The following ADAR variants were observed in gnomAD, a reference collection of about 807,000 sequenced individuals.
The protein encoded by ADAR is adenosine deaminase RNA specific, also known as double-stranded RNA-specific adenosine deaminase.
In ADAR, 41 loss-of-function variants were observed where a neutral mutation model predicts 113.2. That is an observed-to-expected ratio of 0.36 (90% CI 0.28 to 0.47). The LOEUF (loss-of-function observed/expected upper bound fraction) is 0.47. Ranked by LOEUF, ADAR falls within the 20% of genes least tolerant of loss-of-function variation. The pLI is 1.00. For missense variants in ADAR, 1,242 were observed against 1,540.9 expected (o/e 0.81, Z 3.25); for synonymous variants, 605 against 572.6 (o/e 1.06, Z -0.81).
At position 154,588,624 on chromosome 1, in the gene ADAR, T is replaced by C. The variant is rs1448735124; in HGVS notation, c.2812A>G (p.Ser938Gly). ...CCTCCCTTAGCAGGTTCAAATATAC[T>C]ATCCTTCGCAGTCTGGGAGTTGTAT... ...MKYNSQTAKD[S>G]IFEPAKGGEK... is the part of the protein sequence containing the mutation. Residue 938 changes from serine (S) to glycine (G), a missense_variant, in exon 10 of 15, where the codon AGT becomes GGT. By Grantham distance (56) the Ser-to-Gly change is moderately conservative (BLOSUM62 0). This residue lies in a region of ADAR where 780 missense variants were observed against 1,057.9 expected (regional missense o/e 0.74). Transcript: ENST00000368474. 5.0e-6 allele frequency: 8 copies of C among 1,614,038 alleles called. No individual in the cohort carries two copies. Among genetic ancestry groups the C allele is most frequent in the Non-Finnish European group, 6.8e-6 (8 of 1,179,970 alleles).
chr1:154,588,340 GAAGC>G lies in ADAR; in HGVS notation c.2886-86_2886-83del, dbSNP rs796194531. On this transcript the variant is annotated intron_variant, in intron 10 of 14. Coordinates refer to ENST00000368474, the MANE Select transcript of ADAR (RefSeq NM_001111.5). ...GGCTCCAAAACAGTCAGATGTGACAGAAGCAAGGGATGTTTTCTAAGGCCTACCA... is the reference window on the plus strand; with the variant it reads ...GGCTCCAAAACAGTCAGATGTGACAGAAGGGATGTTTTCTAAGGCCTACCA... 1.0e-5 allele frequency: 16 copies of G among 1,601,046 alleles called. No individual in the cohort carries two copies. The South Asian group carries it at 1.4e-4, about 14-fold the overall frequency.
rs1456230179 is a variant in ADAR, at chr1:154,625,484, T to G, written c.-871+2371A>C. Among the ~76,000 whole-genome samples, 3 of 152,256 alleles carry G rather than the reference T, an allele frequency of 2.0e-5. No individual in the cohort carries two copies. In the East Asian group the frequency reaches 5.8e-4, roughly 29 times the overall value. ...TCTATAAAATGGGGATAATATTTAGTGCACTCAGTTGTTAGAGGGATGAAA... is the reference window on the plus strand; with the variant it reads ...TCTATAAAATGGGGATAATATTTAGGGCACTCAGTTGTTAGAGGGATGAAA... On this transcript the variant is annotated intron_variant, in intron 1 of 14. Coordinates refer to the ADAR transcript ENST00000368471.
rs1297018808 is a variant in ADAR at position 154,613,490 on chromosome 1, G to C, written c.-870-10864C>G. On this transcript the variant is annotated intron_variant, in intron 1 of 14. Transcript: ENST00000368471. Reference sequence around the variant, plus strand: ...AGTAGAGGTGGGGTCTCACCATGTTGGCCAGGCTGGTCGCAAACTCCTGAT... The same window carrying C: ...AGTAGAGGTGGGGTCTCACCATGTTCGCCAGGCTGGTCGCAAACTCCTGAT... Among the ~76,000 whole-genome samples, 5 of 151,302 alleles carry C rather than the reference G, an allele frequency of 3.3e-5. No homozygotes were observed. In the East Asian group the frequency reaches 1.0e-3, roughly 30 times the overall value.
Position 154,589,943 on chromosome 1 carries a change from G to C in ADAR, c.2497-15C>G. On this transcript the variant is annotated splice_polypyrimidine_tract_variant and intron_variant, in intron 7 of 14. Transcript: ENST00000368474. ...GTGAGAGGGAGCTGTGGGGAAAAGA[G>C]GCTGTGTCAGCACCACAAAGCTGAG... 2 of 1,613,686 alleles carry C rather than the reference G, an allele frequency of 1.2e-6. No homozygotes were observed. Among genetic ancestry groups the C allele is most frequent in the South Asian group, 1.1e-5 (1 of 91,046 alleles).
Position 154,605,130 on chromosome 1 carries a change from T to C in ADAR, c.16-2504A>G, listed in dbSNP as rs1698108489. On this transcript the variant is annotated intron_variant, in intron 1 of 14. Coordinates refer to ENST00000368474, the MANE Select transcript of ADAR (RefSeq NM_001111.5). Reference sequence around the variant, plus strand: ...CAGGTAGTTGCCAAGTCCCACCTTGTCTGCCACCTCTGTACTGTGTCTTAA... The same window carrying C: ...CAGGTAGTTGCCAAGTCCCACCTTGCCTGCCACCTCTGTACTGTGTCTTAA... Among the ~76,000 whole-genome samples the C allele has an allele frequency of 2.0e-5, 3 of 152,220 alleles. No individual in the cohort carries two copies. In the South Asian group the frequency reaches 6.2e-4, roughly 31 times the overall value.
chr1:154,584,517 C>T lies in ADAR; in HGVS notation c.*289G>A, dbSNP rs914789866. 7 of 397,434 alleles carry T rather than the reference C, an allele frequency of 1.8e-5. No homozygotes were observed. The highest frequency in any genetic ancestry group is 3.7e-5 in the South Asian group (1 of 27,352). The allele number at this position is 397,434 out of a possible 1,614,324, so 24.6% of individuals were successfully genotyped here. On this transcript the variant is annotated 3_prime_UTR_variant, in exon 15 of 15. Coordinates refer to ENST00000368474, the MANE Select transcript of ADAR (RefSeq NM_001111.5). ...ACAAAACTTTTAAGAGGAAATGGAC[C>T]GCAGGTGCTCAGTGACTATGTATGC...
chr1:154,605,926 C>T (rs1698164767), intron 1 of ADAR: 2 of 915,608 alleles, frequency 2.2e-6, no homozygotes, highest in Non-Finnish European at 2.6e-6. Context: ...ACTCTTGGCC[C>T]AAATCTGGAA....
chr1:154,597,954 G>T lies in ADAR; in HGVS notation c.1808C>A (p.Thr603Asn), dbSNP rs749361641. 1 of 1,614,106 alleles carries T rather than the reference G, an allele frequency of 6.2e-7. No individual in the cohort carries two copies. The highest frequency in any genetic ancestry group is 1.1e-5 in the South Asian group (1 of 91,072). ...AGAAAAGAAGGATGTGGCTGAAGGG[G>T]TGGGGGTCTGGGACTCTGCAGTCTA... ...SEKTAESQTP[T>N]PSATSFFSGK... Residue 603 changes from threonine to asparagine, a missense_variant, in exon 4 of 15, where the codon ACC (threonine) becomes AAC (asparagine). Thr to Asn is a moderately conservative substitution (Grantham distance 65). This residue lies in a region of ADAR where 780 missense variants were observed against 1,057.9 expected (regional missense o/e 0.74). Transcript: ENST00000368474.
chr1:154,591,609 T>C (rs953015693), intron 6 of ADAR, among the ~76,000 whole-genome samples: 2 of 152,198 alleles, frequency 1.3e-5, no homozygotes. Flanking sequence ...GCAAAACAGC[T>C]TGGAAATGTA....
intron 1 of ADAR, among the ~76,000 whole-genome samples, chr1:154,603,351 G>A (rs1233374402): frequency 2.6e-5 from 4 of 152,122 alleles, no homozygotes; most frequent in Non-Finnish European, 5.9e-5. Flanking sequence ...GGAGCTGGAG[G>A]GTTTCCTGAT....
chr1:154,619,342 G>T (rs188263118), intron 1 of ADAR, among the ~76,000 whole-genome samples: 1 of 152,194 alleles, frequency 6.6e-6, no homozygotes, highest in Non-Finnish European at 1.5e-5. Flanking sequence ...GTCTGGGGCT[G>T]TCTGAGAAAA....
At chr1:154,589,214 G>A (rs1696961064) in intron 9 of ADAR, among the ~76,000 whole-genome samples, 155 bp downstream of exon 9, 1 of 152,240 alleles carries the variant, frequency 6.6e-6, no homozygotes, top group African/African-American at 2.4e-5. Flanking sequence ...CCATCAGACA[G>A]GTTCAAATGG....
intron 2 of ADAR, 96 bp downstream of exon 2, chr1:154,600,945 C>A (rs954134696): frequency 1.9e-6 from 3 of 1,538,946 alleles, no homozygotes; most frequent in Admixed American, 1.7e-5. Flanking sequence ...AAGATAGGCG[C>A]CACCAAACAG....
At chr1:154,593,798 G>A (rs1208747010) in intron 6 of ADAR, among the ~76,000 whole-genome samples, 1 of 152,088 alleles carries the variant, frequency 6.6e-6, no homozygotes, top group Non-Finnish European at 1.5e-5. Flanking sequence ...AAAGAAAACT[G>A]GAAAAGGACA....
intron 1 of ADAR, among the ~76,000 whole-genome samples, chr1:154,605,434 G>T (rs1698131517): frequency 1.9e-5 from 1 of 52,918 alleles, no homozygotes; most frequent in South Asian, 1.1e-3. Flanking sequence ...CAGAGCTACT[G>T]GATTTTTTTT....
In ADAR at chr1:154,590,214, G is replaced by C; in HGVS notation, c.2466C>G (p.Leu822=). The C allele has an allele frequency of 6.2e-7, 1 of 1,612,766 alleles. No individual in the cohort carries two copies. Reference sequence around the variant, plus strand: ...TTGGCTGTGCTTCTGGGGACCTTGAGAGGAGGAGCATAGTTCTTCTGAGAC... The same window carrying C: ...TTGGCTGTGCTTCTGGGGACCTTGACAGGAGGAGCATAGTTCTTCTGAGAC... The part of the protein sequence containing the change: ...GASLRRTMLL[L]SRSPEAQPKT... Residue 822 remains leucine (L), a synonymous_variant, in exon 7 of 15, where the codon CTC becomes CTG. Coordinates refer to ENST00000368474, the MANE Select transcript of ADAR (RefSeq NM_001111.5).
intron 1 of ADAR, among the ~76,000 whole-genome samples, chr1:154,616,160 A>T (rs969441682): frequency 1.3e-5 from 2 of 152,228 alleles, no homozygotes; most frequent in Non-Finnish European, 2.9e-5. Flanking sequence ...GGAAGGTGTT[A>T]GGTTCACGTG....
At chr1:154,594,256 C>T (rs1697352959) in intron 6 of ADAR, among the ~76,000 whole-genome samples, 1 of 152,154 alleles carries the variant, frequency 6.6e-6, no homozygotes, top group Non-Finnish European at 1.5e-5. Context: ...TCCTTAATGA[C>T]TTTAAAATGG....
upstream of ADAR, among the ~76,000 whole-genome samples, chr1:154,610,808 C>CAAAAAAAAAAAAAAAAAAA (rs1369386387): frequency 3.2e-4 from 13 of 40,556 alleles, no homozygotes; most frequent in Admixed American, 7.5e-4. Context: ...GACACCGTCT[C>CAAAAAAAAAAAAAAAAAAA]AAAAAAAAAA....
Sources: gnomAD v4.1 joint callset for allele counts (sites outside exome capture counted in the v4.1 genomes callset) on GRCh38, gnomAD v4.1.1 for gene constraint, gnomAD v4.1.1 regional missense constraint, MANE v1.5 for transcripts, NCBI Gene and HGNC (gene_info 2026-07-23, HGNC 2026-07-21) for gene names.